ARMC5: variants seen among roughly 807,000 people sequenced by gnomAD.
The protein encoded by ARMC5 is armadillo repeat-containing protein 5.
In ARMC5, 28 loss-of-function variants were observed where a neutral mutation model predicts 60.5. That is an observed-to-expected ratio of 0.46 (90% CI 0.34 to 0.63). The LOEUF is 0.63. Ranked by LOEUF, ARMC5 falls within the 30% of genes least tolerant of loss-of-function variation. The pLI is 0.01. For missense variants in ARMC5, 1,189 were observed against 1,304.9 expected, an observed-to-expected ratio of 0.91 and a Z score of 1.37; for synonymous variants, 680 against 607.3, an observed-to-expected ratio of 1.12 and a Z score of -1.76.
chr16:31,459,093 C>A, upstream of ARMC5: 1 of 1,483,838 alleles, frequency 6.7e-7, no homozygotes, highest in Admixed American at 2.3e-5. Context: ...AAGGCCGGGC[C>A]GCACCACCGC....
Position 31,464,622 on chromosome 16 carries a change from C to G in ARMC5, c.1599C>G (p.Ser533=), listed in dbSNP as rs768275298. The change falls in exon 4 of 6, where the codon TCC becomes TCG. Residue 533 remains serine (S), a synonymous_variant. Coordinates refer to ENST00000268314, the MANE Select transcript of ARMC5 (RefSeq NM_001105247.2). The surrounding 1 kb of genome is among the most constrained non-coding windows in gnomAD (Gnocchi z 7.6). The part of the protein sequence containing the change: ...GPALLLLSRF[S]QAPDPSGALV... The stretch of plus-strand genomic sequence containing the variant: ...CCCTGCTGCTGCTGTCGCGCTTTTC[C>G]CAGGCCCCTGACCCAAGTGGGGCAC... 5.0e-6 allele frequency: 8 copies of G among 1,596,942 alleles called. No individual in the cohort carries two copies. The highest frequency in any genetic ancestry group is 5.9e-6 in the Non-Finnish European group (7 of 1,177,908).
chr16:31,466,258 T>C lies in ARMC5; in HGVS notation c.2177T>C (p.Met726Thr), dbSNP rs755847458. 3.4e-5 allele frequency: 55 copies of C among 1,613,766 alleles called. No individual in the cohort carries two copies. Among genetic ancestry groups the C allele is most frequent in the Non-Finnish European group, 4.3e-5 (51 of 1,179,886 alleles). ...VSPAVPQAVPMDLDSPSPCLY... is the reference protein window; with the variant it reads ...VSPAVPQAVPTDLDSPSPCLY... ...CCAGCTGTCCCACAGGCAGTCCCCA[T>C]GGACCTAGACTCACCTTCCCCTTGC... is the stretch of plus-strand genomic sequence containing the variant. Residue 726 changes from methionine to threonine, a missense_variant, in exon 6 of 6, where the codon ATG (methionine) becomes ACG (threonine). Met to Thr is a moderately conservative substitution (Grantham distance 81). Coordinates refer to ENST00000268314, the MANE Select transcript of ARMC5 (RefSeq NM_001105247.2). This position sits in a 1 kb window ranked among gnomAD's most constrained non-coding sequence, Gnocchi z 8.0.
chr16:31,458,865 T>C (rs2082270637), upstream of ARMC5: 2 of 1,535,324 alleles, frequency 1.3e-6, no homozygotes, highest in Non-Finnish European at 1.7e-6. Context: ...TGCCAGCTCC[T>C]GAGCTCACGA....
upstream of ARMC5, chr16:31,459,386 A>T: frequency 1.3e-6 from 2 of 1,536,946 alleles, no homozygotes; most frequent in Non-Finnish European, 1.7e-6. Flanking sequence ...GGGGTCGAGA[A>T]CTACAACTTC....
At chr16:31,458,548 G>A, upstream of ARMC5, 1 of 1,523,084 alleles carries the variant, frequency 6.6e-7, no homozygotes, top group Middle Eastern at 1.7e-4. Context: ...AATGAAGCCG[G>A]GGAGGCAGGC....
Position 31,459,569 on chromosome 16 carries a change from C to T in ARMC5, c.45C>T (p.Cys15=). 7 of 1,605,286 alleles carry T rather than the reference C, an allele frequency of 4.4e-6. No individual in the cohort carries two copies. In the South Asian group the frequency reaches 5.5e-5, roughly 13 times the overall value. The change falls in exon 1 of 6, where the codon TGC becomes TGT. Residue 15 remains cysteine (C), a synonymous_variant. Coordinates refer to ENST00000268314, the MANE Select transcript of ARMC5 (RefSeq NM_001105247.2). ...KPTLTDSLSF[C]LAQLAAAAGE... is the part of the protein sequence containing the mutation. ...CCCTCACGGACTCGCTCTCGTTCTGCCTCGCGCAGCTCGCGGCGGCGGCCG... is the reference window on the plus strand; with the variant it reads ...CCCTCACGGACTCGCTCTCGTTCTGTCTCGCGCAGCTCGCGGCGGCGGCCG...
chr16:31,458,565 C>G, upstream of ARMC5: 1 of 1,504,656 alleles, frequency 6.6e-7, no homozygotes, highest in South Asian at 1.2e-5. Flanking sequence ...AGGCTGTGGT[C>G]AGTCCACATT....
chr16:31,461,276 T>C (rs2082301214), intron 1 of ARMC5, among the ~76,000 whole-genome samples: 2 of 152,144 alleles, frequency 1.3e-5, no homozygotes, highest in South Asian at 4.1e-4. Context: ...GATGTCAGAT[T>C]GTATCGTGTC....
At position 31,462,103 on chromosome 16, in the gene ARMC5, C is replaced by T. The variant is rs749471013; in HGVS notation, c.584-28C>T. 5.0e-6 allele frequency: 8 copies of T among 1,612,476 alleles called. No individual in the cohort carries two copies. Among genetic ancestry groups the T allele is most frequent in the African/African-American group, 4.0e-5 (3 of 74,886 alleles). ...GGCTTGAGTGTCTGTCCTTGTTCAC[C>T]CTCTGTGCTCCCCTTTCCTGCCCTC... On this transcript the variant is annotated intron_variant, in intron 2 of 5. Coordinates refer to ENST00000268314, the MANE Select transcript of ARMC5 (RefSeq NM_001105247.2). The surrounding 1 kb of genome is among the most constrained non-coding windows in gnomAD (Gnocchi z 7.2).
upstream of ARMC5, chr16:31,459,440 G>C: frequency 6.5e-7 from 1 of 1,543,716 alleles, no homozygotes; most frequent in Non-Finnish European, 8.7e-7. Context: ...TCAGCGAGGC[G>C]GTGCCCGACG....
chr16:31,464,292 T>TAAAAAAA lies in ARMC5; in HGVS notation c.1371-84_1371-78dup. On this transcript the variant is annotated intron_variant, in intron 3 of 5. Transcript: ENST00000268314. This position sits in a 1 kb window ranked among gnomAD's most constrained non-coding sequence, Gnocchi z 7.6. ...GCTATAGAGGGATACCACATTTCTT[T>TAAAAAAA]AAAAAAAAAAAAAAAAAAAAAAAAG... The TAAAAAAA allele has an allele frequency of 2.0e-6, 1 of 498,966 alleles. No homozygotes were observed. 30.9% of individuals were successfully genotyped at this position (498,966 alleles called of 1,614,324 possible).
chr16:31,462,248 C>T lies in ARMC5; in HGVS notation c.701C>T (p.Ala234Val), dbSNP rs1267034109. The stretch of plus-strand genomic sequence containing the variant: ...TCACCCCAGCACCGCCTGGCCTTGG[C>T]ACAGCAGGGAGCAGTGCGTCCGCTG... ...ADSPQHRLAL[A>V]QQGAVRPLAE... Residue 234 changes from alanine (A) to valine (V), a missense_variant, in exon 3 of 6, where the codon GCA becomes GTA. Around this residue, in one of 2 missense-constraint regions of ARMC5, gnomAD observed 862 missense variants for 1,071.2 expected, o/e 0.80. Transcript: ENST00000268314. This position sits in a 1 kb window ranked among gnomAD's most constrained non-coding sequence, Gnocchi z 7.2. 1.9e-6 allele frequency: 3 copies of T among 1,609,908 alleles called. No individual in the cohort carries two copies. Among genetic ancestry groups the T allele is most frequent in the Non-Finnish European group, 2.5e-6 (3 of 1,180,006 alleles).
rs763814799 is a variant in ARMC5 at position 31,464,520 on chromosome 16, G to C, written c.1497G>C (p.Arg499=). 9.4e-6 allele frequency: 15 copies of C among 1,602,794 alleles called. No individual in the cohort carries two copies. The highest frequency in any genetic ancestry group is 1.2e-5 in the Non-Finnish European group (14 of 1,175,548). Residue 499 remains arginine, a synonymous_variant, in exon 4 of 6, where the codon CGG becomes CGC. Transcript: ENST00000268314. This position sits in a 1 kb window ranked among gnomAD's most constrained non-coding sequence, Gnocchi z 7.6. The part of the protein sequence containing the change: ...ASPAPTPTSL[R]APRTQRTPGR... ...CCGCCCCGACCCCGACCTCGCTGCG[G>C]GCACCACGCACCCAACGCACTCCGG... is the stretch of plus-strand genomic sequence containing the variant.
intron 1 of ARMC5, among the ~76,000 whole-genome samples, chr16:31,460,564 A>C (rs1019610545): frequency 5.3e-5 from 8 of 152,238 alleles, no homozygotes; most frequent in South Asian, 2.1e-4. Flanking sequence ...ACGTATTTCA[A>C]GTTATTAAAA....
upstream of ARMC5, chr16:31,458,658 T>C: frequency 6.9e-7 from 1 of 1,441,334 alleles, no homozygotes; most frequent in Non-Finnish European, 9.1e-7. Context: ...GCCTGACCAT[T>C]TTCCGGGCGG....
Position 31,459,502 on chromosome 16 carries a change from C to A in ARMC5, c.-23C>A. On this transcript the variant is annotated 5_prime_UTR_variant, in exon 1 of 6. Coordinates refer to ENST00000268314, the MANE Select transcript of ARMC5 (RefSeq NM_001105247.2). ...CTGGGATCAGCGGCGAGAAGCGGGG[C>A]GGAGTCTGAGGCCCGAGCCAAGATG... 1 of 1,589,968 alleles carries A rather than the reference C, an allele frequency of 6.3e-7. No individual in the cohort carries two copies. Among genetic ancestry groups the A allele is most frequent in the East Asian group, 2.3e-5 (1 of 44,052 alleles).
At chr16:31,459,026 C>A (rs1024485271), upstream of ARMC5, 1 of 1,529,620 alleles carries the variant, frequency 6.5e-7, no homozygotes, top group Non-Finnish European at 8.7e-7. Flanking sequence ...TCCCCGTCTG[C>A]GGCGCGGTCA....
In ARMC5 at chr16:31,466,446, C is replaced by T; in HGVS notation, c.2365C>T (p.Leu789=). The change falls in exon 6 of 6, where the codon CTG becomes TTG. Residue 789 remains leucine (L), a synonymous_variant. Coordinates refer to ENST00000268314, the MANE Select transcript of ARMC5 (RefSeq NM_001105247.2). The surrounding 1 kb of genome is among the most constrained non-coding windows in gnomAD (Gnocchi z 8.0). ...CAGCTTTGCAGAAGCCCAGATGGAC[C>T]TGGTGCCCCTGCGAGGTCTGTCGCC... ...SGSFAEAQMD[L]VPLRGLSPGA... 6.2e-7 allele frequency: 1 copy of T among 1,611,892 alleles called. No individual in the cohort carries two copies. Among genetic ancestry groups the T allele is most frequent in the Non-Finnish European group, 8.5e-7 (1 of 1,179,838 alleles).
Position 31,466,129 on chromosome 16 carries a change from T to G in ARMC5, c.2048T>G (p.Leu683Arg), listed in dbSNP as rs772464996. The stretch of plus-strand genomic sequence containing the variant: ...CTTCTGGAGCAGGGTGGTCTCCGGC[T>G]CCTCCTTGCGGCGCTGACCCGGCCG... The part of the protein sequence containing the change: ...RLLLEQGGLR[L>R]LLAALTRPAP... Residue 683 changes from leucine (L) to arginine (R), a missense_variant, in exon 6 of 6, where the codon CTC (leucine) becomes CGC (arginine). By Grantham distance (102) the Leu-to-Arg change is moderately radical. Around this residue, in one of 2 missense-constraint regions of ARMC5, gnomAD observed 862 missense variants for 1,071.2 expected, o/e 0.80. Coordinates refer to ENST00000268314, the MANE Select transcript of ARMC5 (RefSeq NM_001105247.2). This position sits in a 1 kb window ranked among gnomAD's most constrained non-coding sequence, Gnocchi z 8.0. The G allele has an allele frequency of 3.1e-6, 5 of 1,604,484 alleles. No individual in the cohort carries two copies. In the Admixed American group the frequency reaches 6.7e-5, roughly 21 times the overall value.
Sources: allele counts gnomAD v4.1 joint callset (sites outside exome capture counted in the v4.1 genomes callset), GRCh38; gene constraint gnomAD v4.1.1; regional missense constraint gnomAD v4.1.1; non-coding constraint Gnocchi (gnomAD v3.1); transcripts MANE v1.5; gene names NCBI Gene and HGNC (gene_info 2026-07-23, HGNC 2026-07-21).